FER: variants seen among roughly 807,000 people sequenced by gnomAD.
FER encodes the protein tyrosine-protein kinase Fer.
In FER, 63 loss-of-function variants were observed where a neutral mutation model predicts 111.0. The ratio of observed to expected loss-of-function variants is 0.57; its 90% confidence interval spans 0.46 to 0.70. FER has a LOEUF of 0.70. Among genes scored for constraint, FER ranks in the 30% least tolerant of loss-of-function variants. The pLI is 0.00. For missense variants in FER, 914 were observed against 954.0 expected, an observed-to-expected ratio of 0.96 and a Z score of 0.55; for synonymous variants, 327 against 313.9, an observed-to-expected ratio of 1.04 and a Z score of -0.44.
At chr5:109,162,791 C>A (rs1756122256) in intron 17 of FER, among the ~76,000 whole-genome samples, 1 of 152,016 alleles carries the variant, frequency 6.6e-6, no homozygotes, top group Non-Finnish European at 1.5e-5. Flanking sequence ...GGAAAAATAA[C>A]AGATTCACAC....
At chr5:108,754,109 G>A (rs1248700159) in intron 1 of FER, among the ~76,000 whole-genome samples, 1 of 152,098 alleles carries the variant, frequency 6.6e-6, no homozygotes, top group Non-Finnish European at 1.5e-5. Context: ...ATTGGAGAAA[G>A]TGAGTCATTA....
chr5:108,904,931 A>G (rs141421012), intron 10 of FER, among the ~76,000 whole-genome samples: 128 of 152,220 alleles, frequency 8.4e-4, no homozygotes, highest in African/African-American at 2.8e-3. Context: ...AAATTCTTCT[A>G]TGGCTCTGAC....
chr5:109,007,292 C>A (rs1417680536), intron 13 of FER, among the ~76,000 whole-genome samples: 4 of 152,134 alleles, frequency 2.6e-5, no homozygotes, highest in Admixed American at 2.6e-4. Context: ...AAAGGCACTT[C>A]ACATTGTTTT....
At chr5:109,006,474 T>C (rs1765520687) in intron 13 of FER, among the ~76,000 whole-genome samples, 1 of 152,182 alleles carries the variant, frequency 6.6e-6, no homozygotes, top group Non-Finnish European at 1.5e-5. Flanking sequence ...TTGTGAGGCC[T>C]CCCCAGCTAT....
At chr5:108,857,606 C>T (rs1452049004) in intron 5 of FER, among the ~76,000 whole-genome samples, 1 of 152,074 alleles carries the variant, frequency 6.6e-6, no homozygotes, top group Non-Finnish European at 1.5e-5. Context: ...TCAATGGTTC[C>T]TGCCTAAATC....
At chr5:109,140,601 C>T (rs1437479758) in intron 17 of FER, among the ~76,000 whole-genome samples, 3 of 152,090 alleles carry the variant, frequency 2.0e-5, no homozygotes, top group Non-Finnish European at 4.4e-5. Context: ...AATACAAAAG[C>T]CTGTTAAAAT....
At position 109,075,155 on chromosome 5, in the gene FER, G is replaced by T. The variant is rs368462969; in HGVS notation, c.1925-25241G>T. On this transcript the variant is annotated intron_variant, in intron 16 of 19. Transcript: ENST00000281092. The stretch of plus-strand genomic sequence containing the variant: ...CCTTCTCTCATCTCTTGTTTACGCT[G>T]CTGTCTCTTTTCTTGTTCTTTTTTA... Among the ~76,000 whole-genome samples, 3 of 152,098 alleles carry T rather than the reference G, an allele frequency of 2.0e-5. 1 individual carries two copies. Among genetic ancestry groups the T allele is most frequent in the African/African-American group, 7.2e-5 (3 of 41,500 alleles).
At chr5:109,124,587 TTTGTTGTTGTTGTTG>T (rs148987260) in intron 17 of FER, among the ~76,000 whole-genome samples, 21 of 150,172 alleles carry the variant, frequency 1.4e-4, no homozygotes, top group Non-Finnish European at 2.4e-4. Context: ...TTTTAATAGT[TTTGTTGTTGTTGTTG>T]TTGTTGTTGT....
At chr5:109,056,721 C>G (rs1167142267) in intron 16 of FER, among the ~76,000 whole-genome samples, 2 of 152,030 alleles carry the variant, frequency 1.3e-5, no homozygotes, top group Non-Finnish European at 2.9e-5. Flanking sequence ...TTTAGCTGTT[C>G]TTGTCACACA....
At chr5:108,819,364 AC>A in intron 3 of FER, among the ~76,000 whole-genome samples, 1 of 151,792 alleles carries the variant, frequency 6.6e-6, no homozygotes, top group East Asian at 1.9e-4. Flanking sequence ...AGATATTAAG[AC>A]CTTTAGGTTC....
intron 13 of FER, among the ~76,000 whole-genome samples, chr5:108,992,426 G>A (rs1295717029): frequency 3.3e-5 from 5 of 151,580 alleles, no homozygotes; most frequent in Admixed American, 6.6e-5. Flanking sequence ...CAGGCAGAGG[G>A]GCTCCTCACT....
chr5:108,876,670 C>G (rs1383776146), intron 8 of FER, among the ~76,000 whole-genome samples: 1 of 152,144 alleles, frequency 6.6e-6, no homozygotes, highest in Non-Finnish European at 1.5e-5. Context: ...ACTGAATATA[C>G]TTAATTAAAA....
intron 13 of FER, among the ~76,000 whole-genome samples, chr5:108,996,502 A>G (rs10061582): frequency 0.33 from 49,452 of 152,076 alleles, 8,807 homozygotes; most frequent in African/African-American, 0.48. Context: ...TTCCCAACAC[A>G]ATTATTAAAT....
intron 13 of FER, among the ~76,000 whole-genome samples, chr5:109,008,809 A>G (rs898006872): frequency 4.6e-5 from 7 of 151,956 alleles, no homozygotes; most frequent in Admixed American, 3.9e-4. Context: ...TGTCTCTACT[A>G]AAAATACAAA....
In FER at chr5:108,821,431, C is replaced by T. The variant is rs115679617; in HGVS notation, c.208-11339C>T. The stretch of plus-strand genomic sequence containing the variant: ...AAGAACTCATTACAATGAGTTATAC[C>T]GTTGAAGGAGTTTCATATATGTAAA... On this transcript the variant is annotated intron_variant, in intron 3 of 19. Coordinates refer to ENST00000281092, the MANE Select transcript of FER (RefSeq NM_005246.4). Among the ~76,000 whole-genome samples, 348 of 151,962 alleles carry T rather than the reference C, an allele frequency of 2.3e-3. 3 individuals carry two copies. Among genetic ancestry groups the T allele is most frequent in the African/African-American group, 7.2e-3 (298 of 41,450 alleles).
intron 16 of FER, among the ~76,000 whole-genome samples, chr5:109,082,119 C>T (rs1399089594): frequency 6.6e-6 from 1 of 151,994 alleles, no homozygotes; most frequent in African/African-American, 2.4e-5. Flanking sequence ...CTGAAATAAG[C>T]ACCTATATTT....
chr5:109,070,219 A>G (rs1312572335), intron 16 of FER, among the ~76,000 whole-genome samples: 4 of 152,098 alleles, frequency 2.6e-5, no homozygotes, highest in East Asian at 1.9e-4. Context: ...TATTGAAAAC[A>G]TGGAGAGAAA....
chr5:108,754,897 T>C (rs1554056921), intron 1 of FER, among the ~76,000 whole-genome samples: 1 of 152,242 alleles, frequency 6.6e-6, no homozygotes, highest in Non-Finnish European at 1.5e-5. Flanking sequence ...TAGAGCTTAA[T>C]TTTAAATCAC....
intron 13 of FER, among the ~76,000 whole-genome samples, chr5:109,013,156 G>T (rs1256538634): frequency 6.7e-6 from 1 of 150,176 alleles, no homozygotes. Context: ...GTATACATGT[G>T]CCATGCTGGT....
Sources: gnomAD v4.1 joint callset for allele counts (sites outside exome capture counted in the v4.1 genomes callset) on GRCh38, gnomAD v4.1.1 for gene constraint, MANE v1.5 for transcripts, NCBI Gene and HGNC (gene_info 2026-07-23, HGNC 2026-07-21) for gene names.